The following PNPLA7 variants were observed in gnomAD, a reference collection of about 807,000 sequenced individuals.
The protein encoded by PNPLA7 is patatin-like phospholipase domain-containing protein 7.
In PNPLA7, 153 loss-of-function variants were observed where a neutral mutation model predicts 161.7. The observed-to-expected ratio is 0.95, with a 90% CI of 0.83 to 1.08. PNPLA7 has a LOEUF of 1.08. PNPLA7 is among the 50% of genes least tolerant of loss of function. PNPLA7 has a pLI of 0.00. For missense variants in PNPLA7, 1,739 were observed against 1,856.6 expected, an observed-to-expected ratio of 0.94 and a Z score of 1.16; for synonymous variants, 809 against 782.1, an observed-to-expected ratio of 1.03 and a Z score of -0.57.
At chr9:137,496,087 C>G (rs76229423) in intron 18 of PNPLA7, among the ~76,000 whole-genome samples, 1 of 151,748 alleles carries the variant, frequency 6.6e-6, no homozygotes, top group Non-Finnish European at 1.5e-5. Flanking sequence ...GGGAGGGCAC[C>G]TAGGCCTCCC....
chr9:137,488,551 C>T (rs1177850795), intron 20 of PNPLA7, among the ~76,000 whole-genome samples: 1 of 152,134 alleles, frequency 6.6e-6, no homozygotes, highest in East Asian at 1.9e-4. Context: ...GCAGGCTGGC[C>T]GGGGACCTCG....
At position 137,521,611 on chromosome 9, in the gene PNPLA7, G is replaced by A. The variant is rs574118759; in HGVS notation, c.957+25C>T. 2.5e-6 allele frequency: 4 copies of A among 1,609,724 alleles called. No individual in the cohort carries two copies. In the South Asian group the frequency reaches 3.3e-5, roughly 13 times the overall value. On this transcript the variant is annotated intron_variant, in intron 10 of 34. Coordinates refer to ENST00000406427, the MANE Select transcript of PNPLA7 (RefSeq NM_001098537.3). ...TGCCAGCTGCATGGAGCAGCATGGG[G>A]CTTTGTGAGGTGGTTTTCACTTACA...
At chr9:137,494,428 CTCTAA>C (rs1832928055) in intron 19 of PNPLA7, among the ~76,000 whole-genome samples, 1 of 152,178 alleles carries the variant, frequency 6.6e-6, no homozygotes, top group South Asian at 2.1e-4. Flanking sequence ...CCCAGCTGGG[CTCTAA>C]TCTTCACCTC....
chr9:137,507,668 T>G (rs887216935), intron 12 of PNPLA7, among the ~76,000 whole-genome samples: 1 of 151,690 alleles, frequency 6.6e-6, no homozygotes, highest in Admixed American at 6.6e-5. Context: ...AAACTGTGTC[T>G]CAAAATAAAT....
intron 24 of PNPLA7, 198 bp downstream of exon 24, chr9:137,478,858 G>C: frequency 1.3e-6 from 1 of 754,524 alleles, no homozygotes. Context: ...CACTGCACCG[G>C]CTGCTTCCTA....
chr9:137,548,466 AGGGCC>A (rs1200615509), intron 1 of PNPLA7, among the ~76,000 whole-genome samples: 4 of 152,296 alleles, frequency 2.6e-5, no homozygotes, highest in Admixed American at 2.0e-4. Flanking sequence ...AATCCAGGGA[AGGGCC>A]GGGCGCAGTG....
intron 14 of PNPLA7, among the ~76,000 whole-genome samples, chr9:137,503,152 C>T (rs1833592208): frequency 6.6e-6 from 1 of 151,964 alleles, no homozygotes; most frequent in African/African-American, 2.4e-5. Context: ...GAGGCCGAGG[C>T]AGGTAGATCA....
intron 15 of PNPLA7, among the ~76,000 whole-genome samples, chr9:137,501,228 G>A (rs10867092): frequency 0.053 from 8,110 of 152,200 alleles, 317 homozygotes; most frequent in East Asian, 0.2. Context: ...GTCCCATGCC[G>A]CCTCGCCTGG....
rs768310848 is a variant in PNPLA7 at position 137,467,473 on chromosome 9, T to G, written c.2883A>C (p.Arg961Ser). 5.0e-6 allele frequency: 8 copies of G among 1,612,570 alleles called. No homozygotes were observed. The highest frequency in any genetic ancestry group is 4.4e-5 in the South Asian group (4 of 91,068). ...TGAGAACGCCCACCTGGGCACAGCC[T>G]CTACACCAGCCAGGGACACAGAGCA... Reference protein sequence around the residue: ...IALVLGGGGARGCAQVGVLKA... With the variant: ...IALVLGGGGASGCAQVGVLKA... The change falls in exon 26 of 35, where the codon AGA (arginine) becomes AGC (serine). Residue 961 changes from arginine (R) to serine (S), a missense_variant and splice_region_variant. Arg to Ser is a moderately radical substitution (Grantham distance 110). Around this residue, in one of 6 missense-constraint regions of PNPLA7, gnomAD observed 703 missense variants for 694.6 expected, o/e 1.01. Transcript: ENST00000406427. This position sits in a 1 kb window ranked among gnomAD's most constrained non-coding sequence, Gnocchi z 5.1.
intron 19 of PNPLA7, 140 bp downstream of exon 19, chr9:137,494,893 G>A (rs972781290): frequency 2.0e-5 from 15 of 734,400 alleles, no homozygotes; most frequent in Middle Eastern, 2.4e-4. Context: ...TCCACTCCGC[G>A]CCTTCACCTG....
Position 137,547,636 on chromosome 9 carries a change from G to T in PNPLA7, c.54C>A (p.Ala18=), listed in dbSNP as rs775075047. 1 of 1,613,120 alleles carries T rather than the reference G, an allele frequency of 6.2e-7. No individual in the cohort carries two copies. Among genetic ancestry groups the T allele is most frequent in the East Asian group, 2.2e-5 (1 of 44,882 alleles). The part of the protein sequence containing the change: ...SPQADFCLGT[A]LHSWGLWFTE... ...TGAACCACAGTCCCCAAGAGTGCAG[G>T]GCGGTGCCCAGGCAGAAGTCAGCCT... The change falls in exon 2 of 35, where the codon GCC becomes GCA. Residue 18 remains alanine, a synonymous_variant. Transcript: ENST00000406427. This position sits in a 1 kb window ranked among gnomAD's most constrained non-coding sequence, Gnocchi z 4.6.
Position 137,540,615 on chromosome 9 carries a change from C to G in PNPLA7, c.747+27G>C, listed in dbSNP as rs774051911. ...CCTCCGGGGCCAACCCAGGGGCGCC[C>G]GGAGGGCCAGGCAGCGGGGGACTCA... On this transcript the variant is annotated intron_variant, in intron 8 of 34. Transcript: ENST00000406427. The surrounding 1 kb of genome is among the most constrained non-coding windows in gnomAD (Gnocchi z 5.1). 45 of 1,593,210 alleles carry G rather than the reference C, an allele frequency of 2.8e-5. No homozygotes were observed. The highest frequency in any genetic ancestry group is 2.6e-4 in the Admixed American group (15 of 58,344).
rs753340299 is a variant in PNPLA7, at chr9:137,501,734, A to G, written c.1474-7T>C. The G allele has an allele frequency of 9.9e-6, 16 of 1,612,252 alleles. No homozygotes were observed. On this transcript the variant is annotated splice_region_variant and splice_polypyrimidine_tract_variant and intron_variant, in intron 14 of 34. Coordinates refer to ENST00000406427, the MANE Select transcript of PNPLA7 (RefSeq NM_001098537.3). ...CATCCAACAGAGATGAGTCCTAAAA[A>G]CAGAGCAGACTTCAGGGAACACGGG...
Position 137,543,830 on chromosome 9 carries a change from G to A in PNPLA7, c.274-15C>T, listed in dbSNP as rs756510840. 5.6e-6 allele frequency: 9 copies of A among 1,606,706 alleles called. No individual in the cohort carries two copies. The highest frequency in any genetic ancestry group is 7.7e-6 in the Non-Finnish European group (9 of 1,174,168). On this transcript the variant is annotated splice_polypyrimidine_tract_variant and intron_variant, in intron 4 of 34. Transcript: ENST00000406427. The surrounding 1 kb of genome is among the most constrained non-coding windows in gnomAD (Gnocchi z 6.9). ...AGTGTGGTCACCTGCAGAGCCAAGGGAGAGACCAGCCACTGACCCTGCAAG... is the reference window on the plus strand; with the variant it reads ...AGTGTGGTCACCTGCAGAGCCAAGGAAGAGACCAGCCACTGACCCTGCAAG...
intron 18 of PNPLA7, among the ~76,000 whole-genome samples, chr9:137,495,967 C>T (rs114832671): frequency 0.011 from 1,616 of 152,230 alleles, 23 homozygotes; most frequent in African/African-American, 0.037. Context: ...AGAGCTGAGG[C>T]GAGGCGGTGC....
intron 34 of PNPLA7, 35 bp downstream of exon 34, chr9:137,460,599 G>A (rs1331763394): frequency 1.2e-6 from 2 of 1,601,712 alleles, no homozygotes; most frequent in Non-Finnish European, 8.5e-7. Flanking sequence ...AGGCTCAGCT[G>A]TGGGCACCAG....
At chr9:137,501,023 G>T in intron 15 of PNPLA7, 127 bp from the exon 16 acceptor site, 1 of 735,670 alleles carries the variant, frequency 1.4e-6, no homozygotes, top group Non-Finnish European at 2.2e-6. Flanking sequence ...GATCAGCTCT[G>T]GGCATGGACT....
chr9:137,466,247 A>T (rs536899903), intron 26 of PNPLA7, among the ~76,000 whole-genome samples: 3 of 152,178 alleles, frequency 2.0e-5, no homozygotes, highest in Non-Finnish European at 4.4e-5. Context: ...GGGCTGTAAC[A>T]GTCAGCTTCT....
At chr9:137,466,204 C>A (rs1311700098) in intron 26 of PNPLA7, among the ~76,000 whole-genome samples, 1 of 152,200 alleles carries the variant, frequency 6.6e-6, no homozygotes, top group Non-Finnish European at 1.5e-5. Context: ...GGGTCAGAAA[C>A]CCCCATGGAG....
Sources: gnomAD v4.1 joint callset for allele counts (sites outside exome capture counted in the v4.1 genomes callset) on GRCh38, gnomAD v4.1.1 for gene constraint, gnomAD v4.1.1 regional missense constraint, Gnocchi (gnomAD v3.1) non-coding constraint, MANE v1.5 for transcripts, NCBI Gene and HGNC (gene_info 2026-07-23, HGNC 2026-07-21) for gene names.